The following ARAP2 variants were observed in gnomAD, a reference collection of about 807,000 sequenced individuals.
ARAP2 encodes the protein ArfGAP with RhoGAP domain, ankyrin repeat and PH domain 2.
In ARAP2, 148 loss-of-function variants were observed where a neutral mutation model predicts 194.5. The observed-to-expected ratio is 0.76, with a 90% CI of 0.67 to 0.87. The LOEUF is 0.87. Among genes scored for constraint, ARAP2 ranks in the 40% least tolerant of loss-of-function variants. The pLI is 0.00. For missense variants in ARAP2, 2,128 were observed against 1,989.7 expected, an observed-to-expected ratio of 1.07 and a Z score of -1.32; for synonymous variants, 695 against 683.5, an observed-to-expected ratio of 1.02 and a Z score of -0.26.
chr4:36,073,895 G>C, intron 31 of ARAP2, 72 bp from the exon 32 acceptor site: 1 of 1,541,860 alleles, frequency 6.5e-7, no homozygotes, highest in Non-Finnish European at 8.8e-7. Context: ...AAAGCCACTT[G>C]GTTTCTTTCC....
intron 6 of ARAP2, among the ~76,000 whole-genome samples, chr4:36,193,860 T>C (rs145769502): frequency 6.6e-6 from 1 of 152,338 alleles, no homozygotes; most frequent in East Asian, 1.9e-4. Context: ...AATTTTTTGT[T>C]AATGACAAAA....
intron 22 of ARAP2, among the ~76,000 whole-genome samples, chr4:36,124,027 CTATA>C (rs1723295645): frequency 6.6e-6 from 1 of 151,660 alleles, no homozygotes; most frequent in Admixed American, 6.6e-5. Context: ...AGAGATAGGA[CTATA>C]TAATGTGGAC....
At chr4:36,178,727 C>T (rs1014477917) in intron 8 of ARAP2, among the ~76,000 whole-genome samples, 8 of 152,116 alleles carry the variant, frequency 5.3e-5, no homozygotes, top group African/African-American at 1.2e-4. Flanking sequence ...GTATAAACGT[C>T]ATATAAATGG....
chr4:36,014,324 G>T (rs11724971), intron 8 of ARAP2, among the ~76,000 whole-genome samples: 2 of 109,762 alleles, frequency 1.8e-5, no homozygotes, highest in East Asian at 4.9e-4. Flanking sequence ...GAAAGAAAGA[G>T]AGAAAGAAAG....
At chr4:36,072,678 C>A (rs2078345) in intron 32 of ARAP2, among the ~76,000 whole-genome samples, 3,311 of 79,624 alleles carry the variant, frequency 0.042, 122 homozygotes, top group East Asian at 0.13. Flanking sequence ...AAAAAAAAAA[C>A]CCCAAAAAAA....
intron 13 of ARAP2, chr4:36,160,002 G>A (rs1733539869): frequency 3.6e-6 from 3 of 826,904 alleles, no homozygotes; most frequent in Non-Finnish European, 4.4e-6. Flanking sequence ...GCCGAGGATA[G>A]GAAGGAGGAA....
At chr4:36,143,074 T>G (rs1272397495) in intron 19 of ARAP2, among the ~76,000 whole-genome samples, 1 of 151,794 alleles carries the variant, frequency 6.6e-6, no homozygotes, top group Admixed American at 6.6e-5. Flanking sequence ...TATGTTTATG[T>G]GTCTATGTAA....
chr4:36,212,534 T>G, intron 4 of ARAP2, 47 bp from the exon 5 acceptor site: 1 of 1,409,660 alleles, frequency 7.1e-7, no homozygotes, highest in East Asian at 2.3e-5. Context: ...TTTTGCTTTT[T>G]GGTTTGGGGA....
Position 36,068,215 on chromosome 4 carries a change from A to G in ARAP2, c.4807T>C (p.Ser1603Pro). 6.2e-7 allele frequency: 1 copy of G among 1,612,136 alleles called. No homozygotes were observed. Among genetic ancestry groups the G allele is most frequent in the Non-Finnish European group, 8.5e-7 (1 of 1,179,254 alleles). The change falls in exon 33 of 33, where the codon TCT becomes CCT. Residue 1603 changes from serine to proline, a missense_variant. By Grantham distance (74) the Ser-to-Pro change is moderately conservative. Transcript: ENST00000303965. The stretch of plus-strand genomic sequence containing the variant: ...ATGGAAGCTCTCTCCTTTAAGCTAG[A>G]GTCCACGGACTCTTTATCACACTTT... ...SEKCDKESVD[S>P]SLKERASMVA...
intron 8 of ARAP2, among the ~76,000 whole-genome samples, chr4:36,181,463 A>C (rs1003364986): frequency 6.6e-6 from 1 of 152,246 alleles, no homozygotes; most frequent in African/African-American, 2.4e-5. Flanking sequence ...TGGGTTTAGC[A>C]GTAGGCATAC....
intron 8 of ARAP2, among the ~76,000 whole-genome samples, chr4:36,014,344 A>AAG (rs1715354819): frequency 7.8e-6 from 1 of 128,546 alleles, no homozygotes; most frequent in South Asian, 2.3e-4. Context: ...GAAAGAAAGA[A>AAG]AGAAAGAAAG....
At chr4:36,209,482 C>A in intron 6 of ARAP2, 1 of 377,804 alleles carries the variant, frequency 2.6e-6, no homozygotes, top group Admixed American at 3.1e-5. Flanking sequence ...GGGTGTTTTG[C>A]TATCTTTTGA....
At chr4:36,054,381 G>C (rs2109258117) in intron 2 of ARAP2, among the ~76,000 whole-genome samples, 1 of 152,194 alleles carries the variant, frequency 6.6e-6, no homozygotes, top group South Asian at 2.1e-4. Flanking sequence ...TAATTTTTCT[G>C]GATCAGATAA....
At chr4:36,080,916 G>A (rs1042495616) in intron 30 of ARAP2, among the ~76,000 whole-genome samples, 2 of 152,096 alleles carry the variant, frequency 1.3e-5, no homozygotes, top group African/African-American at 2.4e-5. Context: ...ATAAAACTGA[G>A]TGCAAACATA....
rs1043024682 is a variant in ARAP2, at chr4:36,049,539, G to T, written n.369+2467C>A. Among the ~76,000 whole-genome samples the T allele has an allele frequency of 2.0e-5, 3 of 152,102 alleles. No homozygotes were observed. In the East Asian group the frequency reaches 5.8e-4, roughly 29 times the overall value. On this transcript the variant is annotated intron_variant and non_coding_transcript_variant, in intron 3 of 12. Transcript: ENST00000503225. Reference sequence around the variant, plus strand: ...TAATTATTACAGACTTCCTGCAATTGATTTAATTATGTAGTTATTTTGTGA... The same window carrying T: ...TAATTATTACAGACTTCCTGCAATTTATTTAATTATGTAGTTATTTTGTGA...
intron 6 of ARAP2, among the ~76,000 whole-genome samples, chr4:36,196,463 G>T (rs997438693): frequency 2.0e-5 from 3 of 152,334 alleles, no homozygotes; most frequent in Middle Eastern, 3.4e-3. Flanking sequence ...GCCTCTGAGA[G>T]AATCAGCTCC....
chr4:36,042,386 C>T (rs143632866), intron 5 of ARAP2, among the ~76,000 whole-genome samples: 112 of 152,126 alleles, frequency 7.4e-4, no homozygotes, highest in African/African-American at 1.8e-3. Flanking sequence ...TTCCAAAGGG[C>T]GGAAAGATCA....
At chr4:36,183,739 T>C (rs1263337560) in intron 8 of ARAP2, among the ~76,000 whole-genome samples, 1 of 152,222 alleles carries the variant, frequency 6.6e-6, no homozygotes, top group East Asian at 1.9e-4. Flanking sequence ...AAAATTCACT[T>C]GCAACTAAGA....
At chr4:36,214,012 T>C (rs1410467321) in intron 3 of ARAP2, among the ~76,000 whole-genome samples, 2 of 152,146 alleles carry the variant, frequency 1.3e-5, no homozygotes, top group Non-Finnish European at 2.9e-5. Flanking sequence ...ATTTTCAAAA[T>C]GAAAGAAAAG....
Sources: gnomAD v4.1 joint callset for allele counts (sites outside exome capture counted in the v4.1 genomes callset) on GRCh38, gnomAD v4.1.1 for gene constraint, MANE v1.5 for transcripts, NCBI Gene and HGNC (gene_info 2026-07-23, HGNC 2026-07-21) for gene names.